The following DIAPH3 variants were observed in gnomAD, a reference collection of about 807,000 sequenced individuals.
The protein encoded by DIAPH3 is protein diaphanous homolog 3.
Under a neutral mutation model 144.3 loss-of-function variants are expected in DIAPH3, and 117 were observed. That is an observed-to-expected ratio of 0.81 (90% CI 0.70 to 0.95). The LOEUF is 0.95. Ranked by LOEUF, DIAPH3 falls within the 40% of genes least tolerant of loss-of-function variation. The pLI, the probability that DIAPH3 is intolerant of heterozygous loss-of-function variation, is 0.00. For missense variants in DIAPH3, 1,421 were observed against 1,412.7 expected, an observed-to-expected ratio of 1.01 and a Z score of -0.09; for synonymous variants, 519 against 488.9, an observed-to-expected ratio of 1.06 and a Z score of -0.81.
chr13:59,737,188 A>G (rs1305130031), intron 27 of DIAPH3, among the ~76,000 whole-genome samples: 3 of 152,246 alleles, frequency 2.0e-5, no homozygotes, highest in Non-Finnish European at 4.4e-5. Flanking sequence ...ACAGCCAAAG[A>G]AACTATCAAC....
intron 27 of DIAPH3, among the ~76,000 whole-genome samples, chr13:59,762,227 A>T (rs1008668424): frequency 6.6e-6 from 1 of 151,756 alleles, no homozygotes; most frequent in African/African-American, 2.4e-5. Flanking sequence ...ACACCCAGCT[A>T]ATTTTTTGTA....
chr13:60,124,747 G>T (rs1420055023), intron 2 of DIAPH3, among the ~76,000 whole-genome samples: 1 of 152,004 alleles, frequency 6.6e-6, no homozygotes, highest in Non-Finnish European at 1.5e-5. Flanking sequence ...CCAGCTACTT[G>T]GGGGTCTGAG....
At position 59,840,068 on chromosome 13, in the gene DIAPH3, T is replaced by C. The variant is rs180887076; in HGVS notation, c.2738-620A>G. Reference sequence around the variant, plus strand: ...GAAGAAATGGTAAACCAGGGCACTGTGTCACTATGAGAATATACTAGCCAC... The same window carrying C: ...GAAGAAATGGTAAACCAGGGCACTGCGTCACTATGAGAATATACTAGCCAC... On this transcript the variant is annotated intron_variant, in intron 22 of 27. Transcript: ENST00000400324. 4.6e-5 allele frequency among the ~76,000 whole-genome samples: 7 copies of C among 152,274 alleles called. No individual in the cohort carries two copies. The East Asian group carries it at 1.4e-3, about 29-fold the overall frequency.
intron 15 of DIAPH3, 30 bp downstream of exon 15, chr13:59,974,322 T>C (rs747250727): frequency 3.9e-6 from 6 of 1,548,702 alleles, no homozygotes; most frequent in South Asian, 2.2e-5. Context: ...GTGTTTTTAA[T>C]ACCCAAATTC....
chr13:59,927,077 T>A (rs1474016246), intron 17 of DIAPH3, among the ~76,000 whole-genome samples: 2 of 152,192 alleles, frequency 1.3e-5, no homozygotes, highest in Non-Finnish European at 2.9e-5. Context: ...TATATAATGA[T>A]CTTGTCTCTT....
At chr13:59,855,972 T>C (rs536433104) in intron 22 of DIAPH3, among the ~76,000 whole-genome samples, 1 of 152,086 alleles carries the variant, frequency 6.6e-6, no homozygotes, top group Admixed American at 6.6e-5. Context: ...TATGATTAAC[T>C]GTATTCTAAA....
At chr13:59,714,959 GAAC>G (rs2034975744) in intron 27 of DIAPH3, among the ~76,000 whole-genome samples, 1 of 142,614 alleles carries the variant, frequency 7.0e-6, no homozygotes, top group South Asian at 2.2e-4. Context: ...CCTCTCCCAA[GAAC>G]AATAAGGGAG....
At chr13:59,971,267 A>G (rs2050359199) in intron 15 of DIAPH3, 107 bp from the exon 16 acceptor site, 1 of 1,032,742 alleles carries the variant, frequency 9.7e-7, no homozygotes, top group South Asian at 1.7e-5. Flanking sequence ...AAATAATTAC[A>G]TATCAGTAAT....
chr13:60,130,056 C>T (rs1452233808), intron 2 of DIAPH3, among the ~76,000 whole-genome samples: 2 of 152,056 alleles, frequency 1.3e-5, no homozygotes, highest in East Asian at 3.9e-4. Context: ...TATAATTAGT[C>T]CCAATTTAAA....
At chr13:59,823,980 C>T (rs2041227205) in intron 24 of DIAPH3, among the ~76,000 whole-genome samples, 1 of 152,100 alleles carries the variant, frequency 6.6e-6, no homozygotes, top group African/African-American at 2.4e-5. Flanking sequence ...TTGTTCACAA[C>T]ATAGATTTCA....
chr13:60,134,274 G>A (rs1038309338), intron 1 of DIAPH3, among the ~76,000 whole-genome samples: 6 of 152,224 alleles, frequency 3.9e-5, no homozygotes, highest in Admixed American at 3.9e-4. Context: ...GAATAAGGAA[G>A]TAATAATAGT....
intron 12 of DIAPH3, among the ~76,000 whole-genome samples, chr13:59,988,958 C>T (rs2051617251): frequency 6.6e-6 from 1 of 151,834 alleles, no homozygotes; most frequent in South Asian, 2.1e-4. Flanking sequence ...TTCTGTCAAA[C>T]TTTCTTTTGT....
intron 22 of DIAPH3, among the ~76,000 whole-genome samples, chr13:59,843,368 G>A (rs2042446617): frequency 6.6e-6 from 1 of 152,172 alleles, no homozygotes; most frequent in Non-Finnish European, 1.5e-5. Flanking sequence ...GGTAACTGAA[G>A]ATAGAGCTAC....
intron 21 of DIAPH3, among the ~76,000 whole-genome samples, chr13:59,874,463 A>G (rs1010381466): frequency 7.9e-5 from 12 of 152,168 alleles, no homozygotes; most frequent in Non-Finnish European, 1.5e-4. Context: ...AATATCCAGA[A>G]TCAGATAAAA....
chr13:59,887,819 T>C (rs1474568835), intron 20 of DIAPH3, among the ~76,000 whole-genome samples: 1 of 152,058 alleles, frequency 6.6e-6, no homozygotes, highest in Non-Finnish European at 1.5e-5. Flanking sequence ...CTCATTATGA[T>C]TGAGAATTTG....
At chr13:60,010,742 G>A in intron 7 of DIAPH3, 73 bp from the exon 8 acceptor site, 3 of 1,457,374 alleles carry the variant, frequency 2.1e-6, no homozygotes, top group Non-Finnish European at 2.8e-6. Context: ...AGGAAATGTA[G>A]TTATTAAAAA....
At chr13:59,934,197 A>T (rs1594043941) in intron 17 of DIAPH3, among the ~76,000 whole-genome samples, 1 of 152,118 alleles carries the variant, frequency 6.6e-6, no homozygotes, top group Non-Finnish European at 1.5e-5. Flanking sequence ...ATAAGTGTTT[A>T]CTCTGCTTTT....
At chr13:59,707,801 T>C (rs1253591780) in intron 27 of DIAPH3, among the ~76,000 whole-genome samples, 1 of 152,122 alleles carries the variant, frequency 6.6e-6, no homozygotes, top group Non-Finnish European at 1.5e-5. Context: ...TTTCTTCCCA[T>C]TTCTACCGAT....
chr13:59,937,301 C>T (rs779868955), intron 17 of DIAPH3, among the ~76,000 whole-genome samples: 4 of 151,966 alleles, frequency 2.6e-5, no homozygotes, highest in African/African-American at 7.3e-5. Context: ...GTATGACATA[C>T]GAAGACATAT....
Sources: gnomAD v4.1 joint callset for allele counts (sites outside exome capture counted in the v4.1 genomes callset) on GRCh38, gnomAD v4.1.1 for gene constraint, MANE v1.5 for transcripts, NCBI Gene and HGNC (gene_info 2026-07-23, HGNC 2026-07-21) for gene names.